Variants in PSKH2 observed in about 807,000 individuals in gnomAD.
PSKH2 encodes protein serine kinase H2.
Under a neutral mutation model 22.5 loss-of-function variants are expected in PSKH2, and 16 were observed. The ratio of observed to expected loss-of-function variants is 0.71; its 90% CI spans 0.48 to 1.08. The LOEUF is 1.08. Ranked by LOEUF, PSKH2 falls within the 50% of genes least tolerant of loss-of-function variation. PSKH2 has a pLI of 0.00. For synonymous variants in PSKH2, 188 were observed against 184.8 expected (o/e 1.02, Z -0.14); for missense variants, 516 against 492.8 (o/e 1.05, Z -0.44).
chr8:86,058,092 G>A (rs550881499), intron 2 of PSKH2, among the ~76,000 whole-genome samples: 2 of 152,270 alleles, frequency 1.3e-5, no homozygotes, highest in South Asian at 2.1e-4. Context: ...TTTACTTAGC[G>A]TCTCAAGCAC....
Position 86,048,526 on chromosome 8 carries a change from G to C in PSKH2, c.1094C>G (p.Ser365Cys), listed in dbSNP as rs1380785884. The C allele has an allele frequency of 1.2e-6, 2 of 1,614,076 alleles. No individual in the cohort carries two copies. The highest frequency in any genetic ancestry group is 2.2e-5 in the South Asian group (2 of 91,074). The change falls in exon 3 of 3, where the codon TCC becomes TGC. Residue 365 changes from serine to cysteine, a missense_variant. By Grantham distance (112) the Ser-to-Cys change is moderately radical (BLOSUM62 -1). Transcript: ENST00000276616. ...QSSKSHYSHK[S>C]RHMWSKRNLR... ...GTTTCTCTTGCTCCACATATGCCTG[G>C]ATTTGTGAGAATAATGTGACTTAGA...
At chr8:86,056,177 A>G (rs1817696267) in intron 2 of PSKH2, among the ~76,000 whole-genome samples, 1 of 152,002 alleles carries the variant, frequency 6.6e-6, no homozygotes, top group Admixed American at 6.6e-5. Flanking sequence ...CTGTAGTTCC[A>G]GCTACTCAGA....
At chr8:86,069,326 A>C (rs996942191) in intron 1 of PSKH2, 112 bp downstream of exon 1, 2 of 1,005,616 alleles carry the variant, frequency 2.0e-6, no homozygotes, top group East Asian at 2.8e-5. Flanking sequence ...CTATCATCCG[A>C]AAGAACCCTG....
chr8:86,054,866 T>A (rs56969980), intron 2 of PSKH2, among the ~76,000 whole-genome samples: 1,855 of 152,288 alleles, frequency 0.012, 27 homozygotes, highest in African/African-American at 0.042. Context: ...TAAATTTAAG[T>A]AAAATTGGGT....
intron 2 of PSKH2, among the ~76,000 whole-genome samples, chr8:86,055,873 AT>A (rs2130151149): frequency 6.6e-6 from 1 of 152,312 alleles, no homozygotes; most frequent in East Asian, 1.9e-4. Flanking sequence ...CAGCAAAAGT[AT>A]TTCCTAACAG....
upstream of PSKH2, chr8:86,069,685 C>T: frequency 7.0e-7 from 1 of 1,430,488 alleles, no homozygotes; most frequent in Non-Finnish European, 9.1e-7. Flanking sequence ...CCCCGTTCCT[C>T]CGCCCTTTAT....
intron 2 of PSKH2, among the ~76,000 whole-genome samples, chr8:86,061,424 C>A (rs1817776209): frequency 6.6e-6 from 1 of 151,768 alleles, no homozygotes; most frequent in Non-Finnish European, 1.5e-5. Flanking sequence ...TGGACCGCAC[C>A]CCCATATCAC....
chr8:86,066,051 C>T (rs189566845), intron 1 of PSKH2, among the ~76,000 whole-genome samples: 9 of 152,166 alleles, frequency 5.9e-5, no homozygotes, highest in East Asian at 3.9e-4. Flanking sequence ...TGAGAAAATG[C>T]TAGACTTAAA....
chr8:86,053,542 T>C (rs1489306798), intron 2 of PSKH2, among the ~76,000 whole-genome samples: 5 of 152,174 alleles, frequency 3.3e-5, no homozygotes, highest in Non-Finnish European at 5.9e-5. Flanking sequence ...ACAAGAATCA[T>C]ATATTCAAGA....
intron 2 of PSKH2, among the ~76,000 whole-genome samples, chr8:86,059,555 C>G (rs1817748844): frequency 6.6e-6 from 1 of 152,178 alleles, no homozygotes; most frequent in Admixed American, 6.5e-5. Flanking sequence ...CAACCTGTTT[C>G]CATAGTCATA....
intron 2 of PSKH2, among the ~76,000 whole-genome samples, chr8:86,059,171 G>C (rs1016343383): frequency 6.6e-6 from 1 of 152,106 alleles, no homozygotes; most frequent in Admixed American, 6.6e-5. Flanking sequence ...GAACTTCTGA[G>C]CTCAAGCAAT....
chr8:86,059,640 T>C (rs1817750503), intron 2 of PSKH2, among the ~76,000 whole-genome samples: 1 of 152,198 alleles, frequency 6.6e-6, no homozygotes, highest in African/African-American at 2.4e-5. Context: ...CCTCCAAGAT[T>C]ATCCAGAATA....
chr8:86,061,101 G>C (rs1379283156), intron 2 of PSKH2, among the ~76,000 whole-genome samples: 1 of 152,102 alleles, frequency 6.6e-6, no homozygotes, highest in Non-Finnish European at 1.5e-5. Flanking sequence ...TGAAAACCCT[G>C]CCCATTAGCC....
chr8:86,062,199 A>G (rs888109594), intron 2 of PSKH2, among the ~76,000 whole-genome samples: 2 of 152,212 alleles, frequency 1.3e-5, no homozygotes, highest in Non-Finnish European at 2.9e-5. Flanking sequence ...CAATGTCATT[A>G]CAATTTTTAA....
intron 2 of PSKH2, among the ~76,000 whole-genome samples, chr8:86,057,617 C>T (rs900767953): frequency 2.0e-5 from 3 of 152,056 alleles, no homozygotes. Context: ...GATCTCTTGG[C>T]CTTATGATCC....
chr8:86,057,655 G>T lies in PSKH2; in HGVS notation c.852+6310C>A, dbSNP rs180858418. Among the ~76,000 whole-genome samples the T allele has an allele frequency of 1.4e-4, 21 of 152,222 alleles. No homozygotes were observed. In the East Asian group the frequency reaches 3.7e-3, roughly 27 times the overall value. On this transcript the variant is annotated intron_variant, in intron 2 of 2. Coordinates refer to ENST00000276616, the MANE Select transcript of PSKH2 (RefSeq NM_033126.3). ...CCACCTCGCCTCAGCCTCCCAAAGT[G>T]CTGGGATTACAGGCATGAGCCACCA...
At chr8:86,049,792 GAAAGGA>G (rs1817603723) in intron 2 of PSKH2, among the ~76,000 whole-genome samples, 2 of 149,672 alleles carry the variant, frequency 1.3e-5, no homozygotes, top group Admixed American at 6.7e-5. Flanking sequence ...AAGAAAGGAA[GAAAGGA>G]AGAGAGAAAG....
chr8:86,048,849 C>T (rs2130136313), intron 2 of PSKH2, 82 bp from the exon 3 acceptor site: 2 of 1,232,472 alleles, frequency 1.6e-6, no homozygotes, highest in East Asian at 2.6e-5. Flanking sequence ...TTCTTAATTA[C>T]ATAGATCAAT....
chr8:86,062,402 A>T (rs536107565), intron 2 of PSKH2, among the ~76,000 whole-genome samples: 4 of 152,254 alleles, frequency 2.6e-5, no homozygotes, highest in African/African-American at 9.6e-5. Flanking sequence ...AAATACATAA[A>T]TTTTTTAAAG....
Sources: gnomAD v4.1 joint callset for allele counts (sites outside exome capture counted in the v4.1 genomes callset) on GRCh38, gnomAD v4.1.1 for gene constraint, MANE v1.5 for transcripts, NCBI Gene and HGNC (gene_info 2026-07-23, HGNC 2026-07-21) for gene names.